TSPAN15: variants seen among roughly 807,000 people sequenced by gnomAD.
The protein encoded by TSPAN15 is tetraspanin 15.
Under a neutral mutation model 34.5 loss-of-function variants are expected in TSPAN15, and 20 were observed. The ratio of observed to expected loss-of-function variants is 0.58; its 90% CI spans 0.41 to 0.84. The LOEUF (loss-of-function observed/expected upper bound fraction) is 0.84, where lower values mean the gene tolerates loss of function less well. Ranked by LOEUF, TSPAN15 falls within the 40% of genes least tolerant of loss-of-function variation. TSPAN15 has a pLI of 0.00. For missense variants in TSPAN15, 313 were observed against 386.1 expected, an observed-to-expected ratio of 0.81 and a Z score of 1.59; for synonymous variants, 155 against 153.9, an observed-to-expected ratio of 1.01 and a Z score of -0.05.
chr10:69,508,468 A>AAAAAAAAAAAAAAAAAAAAAG (rs1554835861), downstream of TSPAN15, among the ~76,000 whole-genome samples: 3 of 139,268 alleles, frequency 2.2e-5, no homozygotes, highest in African/African-American at 5.2e-5. Flanking sequence ...AAAAAAAAAA[A>AAAAAAAAAAAAAAAAAAAAAG]AAGAAGAAGA....
chr10:69,504,256 TGGA>T (rs1338684101), intron 5 of TSPAN15, among the ~76,000 whole-genome samples, 179 bp from the exon 6 acceptor site: 1 of 152,016 alleles, frequency 6.6e-6, no homozygotes, highest in Non-Finnish European at 1.5e-5. Flanking sequence ...GGGCATTTCT[TGGA>T]GGAGGAGGTG....
At chr10:69,485,301 G>A (rs1158103801) in intron 3 of TSPAN15, 86 bp downstream of exon 3, 9 of 1,123,856 alleles carry the variant, frequency 8.0e-6, no homozygotes, top group Non-Finnish European at 1.2e-5. Context: ...ATGGCAGTGA[G>A]CAGGGCAGAT....
downstream of TSPAN15, among the ~76,000 whole-genome samples, chr10:69,510,059 C>T (rs530559597): frequency 4.6e-5 from 7 of 152,260 alleles, no homozygotes; most frequent in Non-Finnish European, 4.4e-5. Flanking sequence ...CTTGGCTATA[C>T]GGGCTCTTTT....
intron 5 of TSPAN15, among the ~76,000 whole-genome samples, chr10:69,500,296 G>A (rs1842178207): frequency 6.6e-6 from 1 of 152,170 alleles, no homozygotes; most frequent in African/African-American, 2.4e-5. Context: ...CCCTACTGGG[G>A]TGAGGGGGCC....
At chr10:69,539,548 A>G in the TSPAN15 span, among the ~76,000 whole-genome samples, 234 of 107,550 alleles carry the variant, frequency 2.2e-3, 5 homozygotes, top group African/African-American at 4.1e-3. Flanking sequence ...GGAGAAGGAG[A>G]AGGAGAAGGA....
downstream of TSPAN15, among the ~76,000 whole-genome samples, chr10:69,508,440 C>CAAAAAA (rs71009229): frequency 1.0e-3 from 65 of 62,166 alleles, no homozygotes; most frequent in African/African-American, 3.0e-3. Flanking sequence ...GACTCCATCT[C>CAAAAAA]AAAAAAAAAA....
At chr10:69,470,490 C>T (rs73269823) in intron 1 of TSPAN15, among the ~76,000 whole-genome samples, 2,481 of 152,286 alleles carry the variant, frequency 0.016, 67 homozygotes, top group African/African-American at 0.057. Context: ...GACACCTTCA[C>T]ATGCCCACTG....
the TSPAN15 span, among the ~76,000 whole-genome samples, chr10:69,539,441 GGAAGAA>G: frequency 0.053 from 3,435 of 64,476 alleles, 223 homozygotes; most frequent in East Asian, 0.12. Context: ...AGAAGAAGAA[GGAAGAA>G]GAAGAAGAAG....
At chr10:69,491,389 A>G (rs1331453860) in intron 3 of TSPAN15, among the ~76,000 whole-genome samples, 1 of 152,210 alleles carries the variant, frequency 6.6e-6, no homozygotes, top group Non-Finnish European at 1.5e-5. Flanking sequence ...TTTTTGAGAC[A>G]GTCTTGCTCT....
chr10:69,453,177 G>T lies in TSPAN15; in HGVS notation c.96+1487G>T, dbSNP rs144120149. Among the ~76,000 whole-genome samples the T allele has an allele frequency of 7.0e-3, 1,065 of 152,288 alleles. 14 individuals carry two copies. The highest frequency in any genetic ancestry group is 0.038 in the South Asian group (183 of 4,824). On this transcript the variant is annotated intron_variant, in intron 1 of 7. Coordinates refer to ENST00000373290, the MANE Select transcript of TSPAN15 (RefSeq NM_012339.5). ...CGGAGGATGGAGCAAGGACCTGTTGGTGGAAGCTCTAGGGAGACAGAAGGT... is the reference window on the plus strand; with the variant it reads ...CGGAGGATGGAGCAAGGACCTGTTGTTGGAAGCTCTAGGGAGACAGAAGGT...
downstream of TSPAN15, among the ~76,000 whole-genome samples, chr10:69,510,145 G>A (rs562605086): frequency 1.3e-3 from 205 of 152,270 alleles, no homozygotes; most frequent in South Asian, 5.2e-3. Flanking sequence ...TGGGGATAGC[G>A]TTGAATCTAT....
intron 1 of TSPAN15, among the ~76,000 whole-genome samples, chr10:69,455,432 G>T (rs1317482536): frequency 6.6e-6 from 1 of 152,076 alleles, no homozygotes; most frequent in Non-Finnish European, 1.5e-5. Context: ...CTGTGTGTTG[G>T]CTACATAGAT....
At chr10:69,482,741 G>T (rs1308683583) in intron 1 of TSPAN15, among the ~76,000 whole-genome samples, 5 of 152,150 alleles carry the variant, frequency 3.3e-5, no homozygotes, top group African/African-American at 4.8e-5. Context: ...GGGTTAGCAA[G>T]TAGCAGAGCT....
chr10:69,492,047 A>G (rs1841979867), intron 3 of TSPAN15, among the ~76,000 whole-genome samples: 4 of 152,234 alleles, frequency 2.6e-5, no homozygotes. Flanking sequence ...TTTAAACAAC[A>G]TGCTTTCAAA....
intron 1 of TSPAN15, among the ~76,000 whole-genome samples, chr10:69,480,503 C>T (rs1451658528): frequency 6.6e-6 from 1 of 152,144 alleles, no homozygotes; most frequent in African/African-American, 2.4e-5. Flanking sequence ...GTACCCGAGT[C>T]CCTGAATATT....
At chr10:69,541,727 C>T in the TSPAN15 span, among the ~76,000 whole-genome samples, 1 of 152,264 alleles carries the variant, frequency 6.6e-6, no homozygotes, top group African/African-American at 2.4e-5. Flanking sequence ...TGTGCAGCTG[C>T]AGGTTCAACA....
chr10:69,466,071 G>A (rs187912127), intron 1 of TSPAN15, among the ~76,000 whole-genome samples: 1 of 152,366 alleles, frequency 6.6e-6, no homozygotes, highest in Non-Finnish European at 1.5e-5. Flanking sequence ...GGCACCAGAG[G>A]CCAGGGCCCA....
intron 1 of TSPAN15, among the ~76,000 whole-genome samples, chr10:69,456,539 A>G (rs1210787289): frequency 6.6e-6 from 1 of 152,148 alleles, no homozygotes; most frequent in Non-Finnish European, 1.5e-5. Flanking sequence ...AGTATTATGA[A>G]TGGGAAACCA....
intron 5 of TSPAN15, among the ~76,000 whole-genome samples, chr10:69,500,089 A>G (rs936902740): frequency 6.6e-6 from 1 of 152,154 alleles, no homozygotes; most frequent in African/African-American, 2.4e-5. Flanking sequence ...ATGCAGGGAT[A>G]GAGTTAGGGG....
Sources: allele counts gnomAD v4.1 joint callset (sites outside exome capture counted in the v4.1 genomes callset), GRCh38; gene constraint gnomAD v4.1.1; transcripts MANE v1.5; gene names NCBI Gene and HGNC (gene_info 2026-07-23, HGNC 2026-07-21).